The following ACSL1 variants were observed in gnomAD, a reference collection of about 807,000 sequenced individuals.
ACSL1 encodes the protein acyl-CoA synthetase long chain family member 1.
In ACSL1, 41 loss-of-function variants were observed where a neutral mutation model predicts 98.4. The ratio of observed to expected loss-of-function variants is 0.42; its 90% CI spans 0.32 to 0.54. The LOEUF is 0.54. ACSL1 is among the 20% of genes least tolerant of loss of function. The pLI, the probability that ACSL1 is intolerant of heterozygous loss-of-function variation, is 0.13. For synonymous variants in ACSL1, 316 were observed against 322.7 expected (o/e 0.98, Z 0.22); for missense variants, 734 against 883.1 (o/e 0.83, Z 2.14).
chr4:184,776,072 C>T (rs1439040071), intron 7 of ACSL1, among the ~76,000 whole-genome samples: 1 of 152,182 alleles, frequency 6.6e-6, no homozygotes, highest in African/African-American at 2.4e-5. Flanking sequence ...CTCCACGAGC[C>T]ATCCAGGGAA....
intron 18 of ACSL1, chr4:184,758,185 C>T (rs11933776): frequency 0.53 from 226,862 of 424,680 alleles, 62,273 homozygotes; most frequent in Middle Eastern, 0.62. Flanking sequence ...ATCTCTAATT[C>T]GTATTTACTT....
At chr4:184,792,512 T>G (rs756585843) in intron 2 of ACSL1, among the ~76,000 whole-genome samples, 1 of 152,200 alleles carries the variant, frequency 6.6e-6, no homozygotes, top group Non-Finnish European at 1.5e-5. Context: ...CAGAGCTCAC[T>G]GCCGTCTCAA....
At chr4:184,813,352 G>A (rs1772312049) in intron 1 of ACSL1, among the ~76,000 whole-genome samples, 1 of 152,178 alleles carries the variant, frequency 6.6e-6, no homozygotes, top group African/African-American at 2.4e-5. Flanking sequence ...TTACTGATAA[G>A]AGCTAGAGAA....
chr4:184,768,326 A>AGT lies in ACSL1; in HGVS notation c.1117_1118insAC (p.Met373AsnfsTer14), dbSNP rs756494012. 2 of 1,611,828 alleles carry AGT rather than the reference A, an allele frequency of 1.2e-6. No individual in the cohort carries two copies. Among genetic ancestry groups the AGT allele is most frequent in the Non-Finnish European group, 1.7e-6 (2 of 1,179,536 alleles). ...CTGCTTGGAACTTACTCGGTCAAAC[A>AGT]TCCGGTTCAGCAGTCTTGGAACCAC... On this transcript the variant is annotated frameshift_variant, in exon 12 of 21. Coordinates refer to ENST00000281455, the MANE Select transcript of ACSL1 (RefSeq NM_001995.5). LOFTEE classifies it high-confidence loss of function.
chr4:184,773,630 C>T lies in ACSL1; in HGVS notation c.841+33G>A, dbSNP rs769970048. On this transcript the variant is annotated intron_variant, in intron 9 of 20. Coordinates refer to ENST00000281455, the MANE Select transcript of ACSL1 (RefSeq NM_001995.5). This position sits in a 1 kb window ranked among gnomAD's most constrained non-coding sequence, Gnocchi z 4.3. The stretch of plus-strand genomic sequence containing the variant: ...GGGGAGAGTCCAGACCAATGGCTGC[C>T]ATATGTAGAAGCAATTCTATCTCAA... 31 of 1,594,434 alleles carry T rather than the reference C, an allele frequency of 1.9e-5. No individual in the cohort carries two copies. The Middle Eastern group carries it at 6.7e-4, about 34-fold the overall frequency.
chr4:184,769,253 CT>C (rs1487534400), intron 11 of ACSL1, among the ~76,000 whole-genome samples: 1 of 152,154 alleles, frequency 6.6e-6, no homozygotes, highest in Non-Finnish European at 1.5e-5. Flanking sequence ...ACCAGGGTAT[CT>C]AATACCAGAG....
intron 5 of ACSL1, among the ~76,000 whole-genome samples, chr4:184,777,413 A>C (rs963542922): frequency 2.0e-5 from 3 of 151,776 alleles, no homozygotes; most frequent in African/African-American, 7.3e-5. Context: ...AGCTGTGATC[A>C]CACCAGTGCA....
At chr4:184,820,860 C>T (rs9993625) in intron 1 of ACSL1, among the ~76,000 whole-genome samples, 6,103 of 152,206 alleles carry the variant, frequency 0.04, 397 homozygotes, top group African/African-American at 0.14. Flanking sequence ...GGATTACAGG[C>T]GTGAGCCACC....
At chr4:184,769,206 G>A (rs1378669100) in intron 11 of ACSL1, among the ~76,000 whole-genome samples, 1 of 152,022 alleles carries the variant, frequency 6.6e-6, no homozygotes, top group Non-Finnish European at 1.5e-5. Flanking sequence ...CTAACTAGAA[G>A]TTTCTGAAAG....
At chr4:184,801,358 G>C (rs1001076709) in intron 2 of ACSL1, among the ~76,000 whole-genome samples, 10 of 152,190 alleles carry the variant, frequency 6.6e-5, no homozygotes, top group African/African-American at 2.4e-4. Context: ...CTGTGCATGT[G>C]AGATGGGGGT....
chr4:184,818,636 A>C (rs1044525269), intron 1 of ACSL1, among the ~76,000 whole-genome samples: 2 of 152,196 alleles, frequency 1.3e-5, no homozygotes, highest in Non-Finnish European at 2.9e-5. Context: ...ACTAGCGGTA[A>C]GGCCCTGTAT....
Position 184,824,054 on chromosome 4 carries a change from C to A in ACSL1, c.-33+1862G>T, listed in dbSNP as rs529176285. Among the ~76,000 whole-genome samples the A allele has an allele frequency of 1.6e-4, 25 of 152,284 alleles. No individual in the cohort carries two copies. The South Asian group carries it at 5.0e-3, about 30-fold the overall frequency. On this transcript the variant is annotated intron_variant, in intron 1 of 20. Coordinates refer to ENST00000281455, the MANE Select transcript of ACSL1 (RefSeq NM_001995.5). ...GCTGCCTGCGATAACAATAAAAATA[C>A]TGCCAAAATAGGAACAACAGAGACA...
chr4:184,789,370 G>C (rs1195121677), intron 2 of ACSL1, among the ~76,000 whole-genome samples: 1 of 152,210 alleles, frequency 6.6e-6, no homozygotes, highest in South Asian at 2.1e-4. Context: ...GACTGATCCT[G>C]TTCAGCTCTG....
intron 2 of ACSL1, among the ~76,000 whole-genome samples, chr4:184,796,279 G>T (rs1769345118): frequency 6.6e-6 from 1 of 152,146 alleles, no homozygotes; most frequent in African/African-American, 2.4e-5. Context: ...TCCTCAGTTT[G>T]CAGATGGCCT....
chr4:184,777,569 A>G (rs1033795537), intron 5 of ACSL1, among the ~76,000 whole-genome samples: 2 of 152,072 alleles, frequency 1.3e-5, no homozygotes, highest in African/African-American at 2.4e-5. Flanking sequence ...TTGAGAAAGA[A>G]AAGAAAAAAG....
intron 17 of ACSL1, among the ~76,000 whole-genome samples, 182 bp from the exon 18 acceptor site, chr4:184,760,682 G>A (rs1421665964): frequency 6.6e-6 from 1 of 152,168 alleles, no homozygotes; most frequent in Non-Finnish European, 1.5e-5. Flanking sequence ...AGAGACTGAG[G>A]AACTTGTCCA....
intron 4 of ACSL1, among the ~76,000 whole-genome samples, chr4:184,782,939 A>G (rs536351206): frequency 1.3e-5 from 2 of 152,164 alleles, no homozygotes; most frequent in African/African-American, 2.4e-5. Context: ...CCCCAAATAC[A>G]CCAGCTCCTA....
At chr4:184,784,174 T>A (rs774199164) in intron 3 of ACSL1, among the ~76,000 whole-genome samples, 183 bp from the exon 4 acceptor site, 1 of 152,184 alleles carries the variant, frequency 6.6e-6, no homozygotes, top group Non-Finnish European at 1.5e-5. Context: ...ATTTTTTCTT[T>A]GCTTGTTTAT....
Position 184,755,984 on chromosome 4 carries a change from C to T in ACSL1, c.*1141G>A, listed in dbSNP as rs540155020. 1 of 152,492 alleles carries T rather than the reference C, an allele frequency of 6.6e-6. No homozygotes were observed. The highest frequency in any genetic ancestry group is 1.9e-4 in the East Asian group (1 of 5,190). 9.4% of individuals were successfully genotyped at this position (152,492 alleles called of 1,614,324 possible). A position where few individuals can be genotyped will look rare whatever the true frequency, so the allele number is the denominator to read the frequency against. On this transcript the variant is annotated 3_prime_UTR_variant, in exon 21 of 21. Transcript: ENST00000281455. Reference sequence around the variant, plus strand: ...GGAGAAGTGAATCCCAGGAAATGAACTTTCCAGATTTCTACATCCTAGAAT... The same window carrying T: ...GGAGAAGTGAATCCCAGGAAATGAATTTTCCAGATTTCTACATCCTAGAAT...
Sources: allele counts gnomAD v4.1 joint callset (sites outside exome capture counted in the v4.1 genomes callset), GRCh38; gene constraint gnomAD v4.1.1; non-coding constraint Gnocchi (gnomAD v3.1); transcripts MANE v1.5; gene names NCBI Gene and HGNC (gene_info 2026-07-23, HGNC 2026-07-21).